The following PLEKHA7 variants were observed in gnomAD, a reference collection of about 807,000 sequenced individuals.
The protein encoded by PLEKHA7 is pleckstrin homology domain-containing family A member 7.
Under a neutral mutation model 170.0 loss-of-function variants are expected in PLEKHA7, and 104 were observed. The ratio of observed to expected loss-of-function variants is 0.61; its 90% confidence interval spans 0.52 to 0.72. The LOEUF is 0.72. Ranked by LOEUF, PLEKHA7 falls within the 30% of genes least tolerant of loss-of-function variation. The probability of loss-of-function intolerance (pLI) is 0.00; values close to 1 mark genes in which losing one functional copy is unlikely to be tolerated. For synonymous variants in PLEKHA7, 648 were observed against 660.8 expected, an observed-to-expected ratio of 0.98 and a Z score of 0.30; for missense variants, 1,615 against 1,671.7, an observed-to-expected ratio of 0.97 and a Z score of 0.59.
At chr11:16,954,053 A>T (rs1190048491) in intron 3 of PLEKHA7, among the ~76,000 whole-genome samples, 3 of 152,246 alleles carry the variant, frequency 2.0e-5, no homozygotes, top group Non-Finnish European at 4.4e-5. Flanking sequence ...TCAGGGCTTC[A>T]CTGGTTGAGA....
Position 16,813,220 on chromosome 11 carries a change from T to A in PLEKHA7, c.1954-54A>T, listed in dbSNP as rs547719539. 3 of 1,488,530 alleles carry A rather than the reference T, an allele frequency of 2.0e-6. No homozygotes were observed. The African/African-American group carries it at 4.1e-5, about 21-fold the overall frequency. The allele number at this position is 1,488,530 out of a possible 1,614,324, so 92.2% of individuals were successfully genotyped here. A position where few individuals can be genotyped will look rare whatever the true frequency, so the allele number is the denominator to read the frequency against. ...CAGTTATGAACACCAAGAGTTTCCA[T>A]AACTCGAGGTTTCACATGTGAATTA... On this transcript the variant is annotated intron_variant, in intron 12 of 26. Coordinates refer to ENST00000531066, the MANE Select transcript of PLEKHA7 (RefSeq NM_001329630.2).
chr11:16,825,950 A>G (rs568530591), intron 10 of PLEKHA7, among the ~76,000 whole-genome samples, 170 bp downstream of exon 10: 3 of 152,150 alleles, frequency 2.0e-5, no homozygotes, highest in South Asian at 4.1e-4. Context: ...GTTTCTGTCT[A>G]TAAGTTAGGA....
At chr11:16,908,479 A>T (rs1858015651) in intron 3 of PLEKHA7, among the ~76,000 whole-genome samples, 1 of 149,748 alleles carries the variant, frequency 6.7e-6, no homozygotes, top group South Asian at 2.1e-4. Flanking sequence ...GAGCTCCCAG[A>T]CTGAGAAAAT....
chr11:16,779,379 A>G lies in PLEKHA7; in HGVS notation c.3794-359T>C, dbSNP rs531113007. ...CTAACCTAAAAAACATGGTGGTCAT[A>G]CCCACTTCTTAACAAGGATGCTTTG... On this transcript the variant is annotated intron_variant, in intron 26 of 26. Coordinates refer to ENST00000531066, the MANE Select transcript of PLEKHA7 (RefSeq NM_001329630.2). Among the ~76,000 whole-genome samples the G allele has an allele frequency of 1.1e-4, 17 of 152,288 alleles. No individual in the cohort carries two copies. The East Asian group carries it at 2.5e-3, about 22-fold the overall frequency.
chr11:16,967,084 C>G (rs562939603), intron 3 of PLEKHA7, among the ~76,000 whole-genome samples: 105 of 152,288 alleles, frequency 6.9e-4, no homozygotes, highest in African/African-American at 2.4e-3. Flanking sequence ...ATCACTGATT[C>G]CAACAGAAAT....
At chr11:16,847,842 CAAA>C (rs35191685) in intron 8 of PLEKHA7, among the ~76,000 whole-genome samples, 12,616 of 101,194 alleles carry the variant, frequency 0.12, 577 homozygotes, top group Admixed American at 0.17. Context: ...AATTCTGTCT[CAAA>C]AAAAAAAAAA....
At chr11:16,961,246 T>C (rs1328114476) in intron 3 of PLEKHA7, among the ~76,000 whole-genome samples, 4 of 152,222 alleles carry the variant, frequency 2.6e-5, no homozygotes, top group African/African-American at 9.6e-5. Flanking sequence ...CTCACTAGGA[T>C]GACCAAGGCT....
At chr11:16,995,881 T>C (rs1272701905) in intron 3 of PLEKHA7, among the ~76,000 whole-genome samples, 1 of 152,316 alleles carries the variant, frequency 6.6e-6, no homozygotes, top group African/African-American at 2.4e-5. Flanking sequence ...AAATTGGACA[T>C]TTTAAAACCT....
intron 3 of PLEKHA7, among the ~76,000 whole-genome samples, chr11:16,895,439 T>C (rs1218473786): frequency 1.3e-5 from 2 of 152,206 alleles, no homozygotes; most frequent in Admixed American, 1.3e-4. Context: ...CAGCTGCACA[T>C]CACTGACTCT....
At chr11:16,781,644 G>C (rs1188002015) in intron 26 of PLEKHA7, among the ~76,000 whole-genome samples, 4 of 152,182 alleles carry the variant, frequency 2.6e-5, no homozygotes, top group Admixed American at 2.0e-4. Flanking sequence ...CAAGGACTCT[G>C]TGCAGGATCA....
intron 3 of PLEKHA7, among the ~76,000 whole-genome samples, chr11:16,999,974 C>A (rs2137030756): frequency 6.6e-6 from 1 of 152,302 alleles, no homozygotes; most frequent in Middle Eastern, 3.4e-3. Context: ...ACAAAAGAAC[C>A]AGATGCAAAC....
chr11:16,986,561 T>C (rs559653245), intron 3 of PLEKHA7, among the ~76,000 whole-genome samples: 8 of 152,178 alleles, frequency 5.3e-5, no homozygotes, highest in Non-Finnish European at 1.0e-4. Context: ...AAGGAGGAAG[T>C]CAGGGGAGAG....
intron 13 of PLEKHA7, 75 bp from the exon 14 acceptor site, chr11:16,803,370 A>G: frequency 2.1e-6 from 3 of 1,452,896 alleles, no homozygotes; most frequent in South Asian, 1.1e-5. Flanking sequence ...AATTCATCCT[A>G]TAATGGATGG....
At chr11:16,923,925 G>T (rs1448643931) in intron 3 of PLEKHA7, among the ~76,000 whole-genome samples, 2 of 152,022 alleles carry the variant, frequency 1.3e-5, no homozygotes, top group Non-Finnish European at 2.9e-5. Flanking sequence ...AGCTTCCCAG[G>T]TCTCTAAGGC....
At chr11:16,821,095 G>A (rs1005556309) in intron 10 of PLEKHA7, among the ~76,000 whole-genome samples, 3 of 152,174 alleles carry the variant, frequency 2.0e-5, no homozygotes, top group African/African-American at 7.2e-5. Context: ...GGGACTCCCT[G>A]TCACTGAACA....
At chr11:16,907,407 G>A (rs371832043) in intron 3 of PLEKHA7, among the ~76,000 whole-genome samples, 22,247 of 118,360 alleles carry the variant, frequency 0.19, 2,077 homozygotes, top group African/African-American at 0.41. Context: ...CCCCCCGCCC[G>A]GCCAGCCGCC....
chr11:16,878,987 C>G (rs1480741532), intron 3 of PLEKHA7, among the ~76,000 whole-genome samples: 2 of 152,222 alleles, frequency 1.3e-5, no homozygotes, highest in African/African-American at 4.8e-5. Flanking sequence ...TTCCTCAACT[C>G]CCCTGTAAAG....
At position 16,813,355 on chromosome 11, in the gene PLEKHA7, C is replaced by A. The variant is rs550697988; in HGVS notation, c.1954-189G>T. The A allele has an allele frequency of 8.6e-6, 4 of 465,052 alleles. No individual in the cohort carries two copies. The East Asian group carries it at 1.4e-4, about 16-fold the overall frequency. The allele number at this position is 465,052 out of a possible 1,614,324, so 28.8% of individuals were successfully genotyped here. A position where few individuals can be genotyped will look rare whatever the true frequency, so the allele number is the denominator to read the frequency against. ...AGCTGAGAGCCGTCTTTCAGCAGGG[C>A]GGATCTTGCAGGTCACTGTGGGGAA... On this transcript the variant is annotated intron_variant, in intron 12 of 26. Coordinates refer to ENST00000531066, the MANE Select transcript of PLEKHA7 (RefSeq NM_001329630.2).
intron 3 of PLEKHA7, among the ~76,000 whole-genome samples, chr11:16,882,647 A>T (rs774441993): frequency 6.6e-6 from 1 of 152,192 alleles, no homozygotes; most frequent in Non-Finnish European, 1.5e-5. Flanking sequence ...CAAGTCCATC[A>T]CTAAAAAGAC....
Sources: gnomAD v4.1 joint callset for allele counts (sites outside exome capture counted in the v4.1 genomes callset) on GRCh38, gnomAD v4.1.1 for gene constraint, MANE v1.5 for transcripts, NCBI Gene and HGNC (gene_info 2026-07-23, HGNC 2026-07-21) for gene names.